The following PPP6R2 variants were observed in gnomAD, a reference collection of about 807,000 sequenced individuals.
PPP6R2 encodes serine/threonine-protein phosphatase 6 regulatory subunit 2.
In PPP6R2, 62 loss-of-function variants were observed where a neutral mutation model predicts 100.2. The ratio of observed to expected loss-of-function variants is 0.62; its 90% CI spans 0.50 to 0.76. The LOEUF (loss-of-function observed/expected upper bound fraction) is 0.76, where lower values mean the gene tolerates loss of function less well. Among genes scored for constraint, PPP6R2 ranks in the 30% least tolerant of loss-of-function variants. The pLI, the probability that PPP6R2 is intolerant of heterozygous loss-of-function variation, is 0.00. For synonymous variants in PPP6R2, 525 were observed against 514.7 expected, an observed-to-expected ratio of 1.02 and a Z score of -0.27; for missense variants, 1,142 against 1,276.3, an observed-to-expected ratio of 0.89 and a Z score of 1.60.
intron 2 of PPP6R2, among the ~76,000 whole-genome samples, chr22:50,379,859 C>T (rs886153928): frequency 3.9e-5 from 6 of 151,974 alleles, no homozygotes; most frequent in East Asian, 1.9e-4. Flanking sequence ...GGTGGCAGAC[C>T]GAAACCCTGT....
Position 50,435,184 on chromosome 22 carries a change from C to T in PPP6R2, c.1516+103C>T, listed in dbSNP as rs568214686. Reference sequence around the variant, plus strand: ...TCTGCCCGGCAGCAGGTGCTGACTGCACTGACAGTGAGAGACCCATGGCCA... The same window carrying T: ...TCTGCCCGGCAGCAGGTGCTGACTGTACTGACAGTGAGAGACCCATGGCCA... On this transcript the variant is annotated intron_variant, in intron 13 of 23. Coordinates refer to ENST00000612753, the MANE Select transcript of PPP6R2 (RefSeq NM_001242898.2). 9.6e-5 allele frequency: 91 copies of T among 950,692 alleles called. No homozygotes were observed. The African/African-American group carries it at 1.4e-3, about 14-fold the overall frequency. 58.9% of individuals were successfully genotyped at this position (950,692 alleles called of 1,614,324 possible). A position where few individuals can be genotyped will look rare whatever the true frequency, so the allele number is the denominator to read the frequency against.
chr22:50,419,585 A>G (rs766726022), intron 8 of PPP6R2, 123 bp downstream of exon 8: 14 of 696,136 alleles, frequency 2.0e-5, no homozygotes, highest in Admixed American at 1.4e-4. Context: ...AAGTAACAAC[A>G]TGGATAGATT....
intron 2 of PPP6R2, among the ~76,000 whole-genome samples, chr22:50,389,433 A>AT: frequency 1.3e-5 from 2 of 152,276 alleles, no homozygotes; most frequent in South Asian, 4.1e-4. Context: ...AGTATGTAAT[A>AT]TTATGTTAGT....
chr22:50,377,950 T>A (rs2051981978), intron 2 of PPP6R2, among the ~76,000 whole-genome samples: 1 of 151,934 alleles, frequency 6.6e-6, no homozygotes, highest in Non-Finnish European at 1.5e-5. Context: ...GAGGTTGCAG[T>A]GAGCTGAGCT....
chr22:50,432,324 C>T lies in PPP6R2; in HGVS notation c.1395C>T (p.His465=), dbSNP rs752190299. 6 of 1,549,216 alleles carry T rather than the reference C, an allele frequency of 3.9e-6. No homozygotes were observed. In the South Asian group the frequency reaches 6.0e-5, roughly 15 times the overall value. Residue 465 remains histidine (H), a synonymous_variant, in exon 12 of 24, where the codon CAC becomes CAT. Transcript: ENST00000612753. The stretch of plus-strand genomic sequence containing the variant: ...TGGAGGCCTGGGAAGCCAACGACCA[C>T]ACGCAGTAAGAGCCGCTCGGACGTG... ...RILEAWEAND[H]TQAAGGMRRG...
chr22:50,414,112 G>T (rs1334317037), intron 4 of PPP6R2, among the ~76,000 whole-genome samples: 1 of 152,146 alleles, frequency 6.6e-6, no homozygotes, highest in Non-Finnish European at 1.5e-5. Context: ...GTCAGCAGCT[G>T]GCGTCTTGTG....
At chr22:50,391,039 G>A (rs894231787) in intron 2 of PPP6R2, among the ~76,000 whole-genome samples, 1 of 151,016 alleles carries the variant, frequency 6.6e-6, no homozygotes, top group Non-Finnish European at 1.5e-5. Flanking sequence ...CGGATGCAGT[G>A]GCTCACATCT....
chr22:50,383,981 A>G (rs1023087492), intron 2 of PPP6R2, among the ~76,000 whole-genome samples: 1 of 149,140 alleles, frequency 6.7e-6, no homozygotes, highest in African/African-American at 2.5e-5. Flanking sequence ...GGTTGCGGTG[A>G]GCCAAGATCA....
intron 18 of PPP6R2, 107 bp from the exon 19 acceptor site, chr22:50,438,492 G>T: frequency 6.9e-7 from 1 of 1,458,120 alleles, no homozygotes; most frequent in South Asian, 1.3e-5. Context: ...CTCCTCTCTC[G>T]AGACGATCTG....
At chr22:50,341,846 A>G (rs1479238498), upstream of PPP6R2, among the ~76,000 whole-genome samples, 1 of 151,906 alleles carries the variant, frequency 6.6e-6, no homozygotes, top group Non-Finnish European at 1.5e-5. Context: ...TACAAAAATT[A>G]GCCGGGCGCG....
At chr22:50,437,807 G>C in intron 16 of PPP6R2, 36 bp from the exon 17 acceptor site, 1 of 1,550,476 alleles carries the variant, frequency 6.4e-7, no homozygotes, top group South Asian at 1.2e-5. Flanking sequence ...CAGTGGGCCT[G>C]GAGGAACGCT....
At chr22:50,369,905 AT>A (rs1353992863) in intron 1 of PPP6R2, among the ~76,000 whole-genome samples, 30,378 of 123,570 alleles carry the variant, frequency 0.25, 3,938 homozygotes, top group South Asian at 0.42. Context: ...CAGCTAAGTA[AT>A]TTTTTTTTTT....
At chr22:50,430,823 G>A (rs1048764112) in intron 10 of PPP6R2, among the ~76,000 whole-genome samples, 2 of 146,888 alleles carry the variant, frequency 1.4e-5, no homozygotes, top group East Asian at 4.1e-4. Flanking sequence ...GCAGTGAGCC[G>A]AGATCGTGCC....
In PPP6R2 at chr22:50,443,997, C is replaced by T. The variant is rs1364687107; in HGVS notation, c.2711C>T (p.Pro904Leu). ...AITTALSKAG[P>L]AIPTPAVSSA... ...ACCACAGCACTGAGCAAGGCTGGCC[C>T]CGCCATACCCACCCCAGCAGTCTCT... The change falls in exon 23 of 24, where the codon CCC becomes CTC. Residue 904 changes from proline (P) to leucine (L), a missense_variant. Around this residue, in one of 2 missense-constraint regions of PPP6R2, gnomAD observed 550 missense variants for 517.4 expected, o/e 1.06. Coordinates refer to ENST00000612753, the MANE Select transcript of PPP6R2 (RefSeq NM_001242898.2). 2 of 1,613,250 alleles carry T rather than the reference C, an allele frequency of 1.2e-6. No homozygotes were observed. The highest frequency in any genetic ancestry group is 1.7e-6 in the Non-Finnish European group (2 of 1,179,924).
At chr22:50,343,839 T>TCCCCCCCAG (rs2042795633) in intron 1 of PPP6R2, among the ~76,000 whole-genome samples, 4 of 15,098 alleles carry the variant, frequency 2.6e-4, no homozygotes, top group Admixed American at 8.2e-4. Context: ...CCCAGTCAGT[T>TCCCCCCCAG]TCCCCCCAGT....
At chr22:50,383,225 C>G (rs1197199209) in intron 2 of PPP6R2, among the ~76,000 whole-genome samples, 1 of 152,076 alleles carries the variant, frequency 6.6e-6, no homozygotes, top group Non-Finnish European at 1.5e-5. Context: ...TGTCAAAGAT[C>G]TTGTTTTAAG....
intron 4 of PPP6R2, among the ~76,000 whole-genome samples, chr22:50,411,993 C>G (rs927101008): frequency 6.6e-6 from 1 of 151,564 alleles, no homozygotes; most frequent in South Asian, 2.1e-4. Flanking sequence ...TGCAGTGAGC[C>G]GAGATTGCGC....
the PPP6R2 span, among the ~76,000 whole-genome samples, chr22:50,338,108 G>C: frequency 6.8e-6 from 1 of 147,926 alleles, no homozygotes; most frequent in Admixed American, 6.8e-5. Context: ...TGTGTGGTAT[G>C]TGGTGTGTGT....
At chr22:50,436,539 C>T in intron 14 of PPP6R2, 87 bp downstream of exon 14, 1 of 1,349,280 alleles carries the variant, frequency 7.4e-7, no homozygotes. Context: ...AGGCAGAGGC[C>T]AAGGGAGGCA....
Sources: allele counts gnomAD v4.1 joint callset (sites outside exome capture counted in the v4.1 genomes callset), GRCh38; gene constraint gnomAD v4.1.1; regional missense constraint gnomAD v4.1.1; transcripts MANE v1.5; gene names NCBI Gene and HGNC (gene_info 2026-07-23, HGNC 2026-07-21).